Variants in RIT2 observed in about 807,000 individuals in gnomAD.
RIT2 encodes the protein Ras like without CAAX 2.
RIT2 carries 24 observed loss-of-function variants against 23.7 expected under a neutral mutation model. That is an observed-to-expected ratio of 1.01 (90% confidence interval 0.73 to 1.43). The LOEUF is 1.43. Ranked by LOEUF, RIT2 falls within the 40% of genes most tolerant of loss-of-function variation. The pLI, the probability that RIT2 is intolerant of heterozygous loss-of-function variation, is 0.00. For missense variants in RIT2, 236 were observed against 266.9 expected (o/e 0.88, Z 0.81); for synonymous variants, 107 against 91.1 (o/e 1.17, Z -0.99).
intron 4 of RIT2, chr18:42,920,669 C>T (rs972578559): frequency 3.7e-5 from 55 of 1,502,858 alleles, no homozygotes; most frequent in Non-Finnish European, 4.9e-5. Context: ...TCCCAAAATG[C>T]ATTAAGAATA....
chr18:42,745,033 GA>G (rs1912885691), intron 4 of RIT2, among the ~76,000 whole-genome samples: 1 of 152,126 alleles, frequency 6.6e-6, no homozygotes, highest in South Asian at 2.1e-4. Context: ...AGTATTAGAA[GA>G]GTTTAAAGAA....
At chr18:43,065,895 G>A (rs1001595979) in intron 1 of RIT2, among the ~76,000 whole-genome samples, 7 of 151,894 alleles carry the variant, frequency 4.6e-5, no homozygotes, top group Non-Finnish European at 8.8e-5. Context: ...ATGTAGTTGG[G>A]GTAGAAAAAA....
At chr18:42,915,363 T>C (rs190243825) in intron 4 of RIT2, among the ~76,000 whole-genome samples, 1 of 152,208 alleles carries the variant, frequency 6.6e-6, no homozygotes, top group African/African-American at 2.4e-5. Context: ...TATTTCCTTT[T>C]TGGCACCTTT....
At chr18:42,790,689 A>G (rs1482244749) in intron 4 of RIT2, among the ~76,000 whole-genome samples, 7 of 152,302 alleles carry the variant, frequency 4.6e-5, no homozygotes, top group Middle Eastern at 3.4e-3. Context: ...TCGGCCTCCC[A>G]AATTGCTGGG....
At chr18:42,914,487 T>C (rs1260389781) in intron 4 of RIT2, among the ~76,000 whole-genome samples, 2 of 152,060 alleles carry the variant, frequency 1.3e-5, no homozygotes, top group African/African-American at 4.8e-5. Flanking sequence ...TAACAAAAAC[T>C]TGGATATAAT....
At chr18:42,786,647 A>G (rs1175034928) in intron 4 of RIT2, among the ~76,000 whole-genome samples, 1 of 152,078 alleles carries the variant, frequency 6.6e-6, no homozygotes, top group Non-Finnish European at 1.5e-5. Flanking sequence ...GTTTCATCCT[A>G]TTATCCCACT....
intron 2 of RIT2, among the ~76,000 whole-genome samples, chr18:42,977,467 C>G (rs182749340): frequency 1.9e-4 from 29 of 152,100 alleles, no homozygotes; most frequent in Admixed American, 1.7e-3. Context: ...TTGTGAGCCA[C>G]AAGTAAACAA....
Position 43,062,888 on chromosome 18 carries a change from T to A in RIT2, c.104-29021A>T, listed in dbSNP as rs184818189. On this transcript the variant is annotated intron_variant, in intron 1 of 4. Coordinates refer to ENST00000326695, the MANE Select transcript of RIT2 (RefSeq NM_002930.4). ...AAGGCATTCTAACAGAAATATGATA[T>A]GGAAAACTTAGAGGGTGTGTGGCTA... Among the ~76,000 whole-genome samples, 35 of 152,240 alleles carry A rather than the reference T, an allele frequency of 2.3e-4. No homozygotes were observed. In the East Asian group the frequency reaches 4.6e-3, roughly 20 times the overall value.
chr18:42,958,568 A>T (rs1910026898), intron 3 of RIT2, among the ~76,000 whole-genome samples: 3 of 152,160 alleles, frequency 2.0e-5, no homozygotes, highest in Admixed American at 1.3e-4. Context: ...AGATGAGGAC[A>T]AGCTTGATAG....
At chr18:43,070,147 C>T (rs531851622) in intron 1 of RIT2, among the ~76,000 whole-genome samples, 1 of 152,092 alleles carries the variant, frequency 6.6e-6, no homozygotes, top group African/African-American at 2.4e-5. Flanking sequence ...GGACTTATTG[C>T]TTTAGAAGTT....
intron 3 of RIT2, 45 bp from the exon 4 acceptor site, chr18:42,923,808 G>A (rs760944383): frequency 1.4e-6 from 2 of 1,428,590 alleles, no homozygotes; most frequent in Non-Finnish European, 1.9e-6. Flanking sequence ...TTTCAATATA[G>A]CTAATTAATA....
rs1555657854 is a variant in RIT2 at position 43,094,135 on chromosome 18, T to TTTG, written c.103+21281_103+21282insCAA. On this transcript the variant is annotated intron_variant, in intron 1 of 4. Transcript: ENST00000326695. ...GTGGGTTTTTTTTGTTTTTTTTTTT[T>TTTG]TTTTTCACTTTGCCTCAGGCTCCAA... Among the ~76,000 whole-genome samples, 480 of 145,552 alleles carry TTTG rather than the reference T, an allele frequency of 3.3e-3. 3 individuals carry two copies. Among genetic ancestry groups the TTTG allele is most frequent in the African/African-American group, 0.011 (453 of 39,942 alleles).
chr18:42,950,371 C>A (rs577149716), intron 3 of RIT2, among the ~76,000 whole-genome samples: 36 of 152,152 alleles, frequency 2.4e-4, no homozygotes, highest in South Asian at 8.3e-4. Context: ...GGATCCCCAC[C>A]TTTCACCATT....
intron 4 of RIT2, chr18:42,923,358 C>A: frequency 1.9e-6 from 1 of 539,046 alleles, no homozygotes; most frequent in Non-Finnish European, 3.3e-6. Context: ...GGGGATAGGG[C>A]ACTAGTAAGG....
intron 2 of RIT2, among the ~76,000 whole-genome samples, chr18:42,980,880 C>A (rs1240432008): frequency 6.6e-6 from 1 of 152,090 alleles, no homozygotes; most frequent in African/African-American, 2.4e-5. Context: ...GGACATGTAG[C>A]CCTGGCAAGA....
At chr18:42,885,210 T>G (rs1907989614) in intron 4 of RIT2, among the ~76,000 whole-genome samples, 1 of 152,206 alleles carries the variant, frequency 6.6e-6, no homozygotes, top group Non-Finnish European at 1.5e-5. Context: ...TTTGTAACAT[T>G]CATTTCACAG....
At chr18:42,778,470 T>A (rs894028285) in intron 4 of RIT2, among the ~76,000 whole-genome samples, 1 of 152,142 alleles carries the variant, frequency 6.6e-6, no homozygotes, top group African/African-American at 2.4e-5. Flanking sequence ...ACACTTATAC[T>A]CCATATAAAA....
intron 4 of RIT2, among the ~76,000 whole-genome samples, chr18:42,916,969 C>T (rs1468203174): frequency 6.6e-6 from 1 of 152,100 alleles, no homozygotes; most frequent in African/African-American, 2.4e-5. Flanking sequence ...CAAGATTTGC[C>T]TGTCAGTATC....
Position 42,814,484 on chromosome 18 carries a change from A to T in RIT2, c.427-70764T>A, listed in dbSNP as rs965940470. On this transcript the variant is annotated intron_variant, in intron 4 of 4. Transcript: ENST00000326695. The stretch of plus-strand genomic sequence containing the variant: ...CCTGACAACCTGCATGACATAGTAG[A>T]GATAGCCACAATCCTCCTGGGATCA... 5.3e-5 allele frequency among the ~76,000 whole-genome samples: 8 copies of T among 152,200 alleles called. 2 individuals carry two copies. Among genetic ancestry groups the T allele is most frequent in the Admixed American group, 5.2e-4 (8 of 15,288 alleles).
Sources: allele counts gnomAD v4.1 joint callset (sites outside exome capture counted in the v4.1 genomes callset), GRCh38; gene constraint gnomAD v4.1.1; transcripts MANE v1.5; gene names NCBI Gene and HGNC (gene_info 2026-07-23, HGNC 2026-07-21).